The following HDAC4 variants were observed in gnomAD, a reference collection of about 807,000 sequenced individuals.
HDAC4 encodes histone deacetylase A.
In HDAC4, 16 loss-of-function variants were observed where a neutral mutation model predicts 135.1. That is an observed-to-expected ratio of 0.12 (90% CI 0.08 to 0.18). The LOEUF is 0.18. HDAC4 is among the 10% of genes least tolerant of loss of function. The pLI is 1.00. For missense variants in HDAC4, 1,143 were observed against 1,511.8 expected (o/e 0.76, Z 4.05); for synonymous variants, 685 against 653.4 (o/e 1.05, Z -0.74).
chr2:239,298,251 G>A (rs1575643324), intron 2 of HDAC4: 5 of 1,287,088 alleles, frequency 3.9e-6, no homozygotes, highest in Admixed American at 2.3e-5. Flanking sequence ...TCAAATCCAG[G>A]CTTGACGACA....
At chr2:239,162,947 C>G (rs75061417) in intron 6 of HDAC4, among the ~76,000 whole-genome samples, 8,933 of 152,126 alleles carry the variant, frequency 0.059, 836 homozygotes, top group African/African-American at 0.2. Flanking sequence ...TACAAAAACT[C>G]CCTTATGGGA....
chr2:239,347,146 T>G (rs1374331254), intron 2 of HDAC4, among the ~76,000 whole-genome samples: 3 of 127,396 alleles, frequency 2.4e-5, no homozygotes, highest in Non-Finnish European at 5.6e-5. Context: ...ATTCAACCAC[T>G]GCAGAGCATT....
chr2:239,222,138 G>A (rs1406941800), intron 3 of HDAC4, among the ~76,000 whole-genome samples: 2 of 152,118 alleles, frequency 1.3e-5, no homozygotes, highest in Non-Finnish European at 2.9e-5. Flanking sequence ...GCCTCCCTTC[G>A]CTTCCCTGGC....
At position 239,068,736 on chromosome 2, in the gene HDAC4, G is replaced by T; in HGVS notation, c.2751-129C>A. On this transcript the variant is annotated intron_variant, in intron 22 of 26. Transcript: ENST00000543185. The surrounding 1 kb of genome is among the most constrained non-coding windows in gnomAD (Gnocchi z 4.4). ...CCCCTCGGCCACTGGCGGGCTGAGG[G>T]CTCCACACAGCAGGCTGGAATCTGG... 1.3e-6 allele frequency: 1 copy of T among 794,786 alleles called. No individual in the cohort carries two copies. The highest frequency in any genetic ancestry group is 2.2e-6 in the Non-Finnish European group (1 of 448,292). 49.2% of individuals were successfully genotyped at this position (794,786 alleles called of 1,614,324 possible).
At chr2:239,162,299 G>GCA in intron 6 of HDAC4, 1 of 456,650 alleles carries the variant, frequency 2.2e-6, no homozygotes. Context: ...AGCAGGCTCT[G>GCA]CACTCCAGCT....
At chr2:239,081,568 C>T (rs1048077223) in intron 21 of HDAC4, among the ~76,000 whole-genome samples, 2 of 152,368 alleles carry the variant, frequency 1.3e-5, no homozygotes, top group Admixed American at 1.3e-4. Context: ...CCTGTCATTT[C>T]CTACTTCCTC....
chr2:239,126,181 G>A (rs1259998426), intron 12 of HDAC4, among the ~76,000 whole-genome samples: 1 of 152,188 alleles, frequency 6.6e-6, no homozygotes, highest in South Asian at 2.1e-4. Context: ...CTGGTCCAAC[G>A]GAACTCACAC....
Position 239,339,022 on chromosome 2 carries a change from T to C in HDAC4, c.22+13656A>G, listed in dbSNP as rs561283245. 3.9e-5 allele frequency among the ~76,000 whole-genome samples: 6 copies of C among 152,374 alleles called. No homozygotes were observed. In the South Asian group the frequency reaches 1.2e-3, roughly 32 times the overall value. On this transcript the variant is annotated intron_variant, in intron 2 of 26. Transcript: ENST00000543185. ...CATCTGTATTTAAGAAAACTATGTA[T>C]TTAGTTTACATAAAATCAGAAAATA...
intron 1 of HDAC4, among the ~76,000 whole-genome samples, chr2:239,359,641 C>G (rs1161056620): frequency 6.6e-6 from 1 of 152,246 alleles, no homozygotes; most frequent in Non-Finnish European, 1.5e-5. Context: ...CGGTCACATA[C>G]TCAGCCTTCG....
intron 3 of HDAC4, among the ~76,000 whole-genome samples, chr2:239,223,176 T>G (rs920153995): frequency 3.9e-5 from 6 of 152,252 alleles, no homozygotes; most frequent in African/African-American, 1.4e-4. Context: ...CTCCAAACGT[T>G]TGGTTATGTG....
At chr2:239,381,672 G>A (rs1291510305) in intron 1 of HDAC4, among the ~76,000 whole-genome samples, 1 of 152,174 alleles carries the variant, frequency 6.6e-6, no homozygotes, top group Non-Finnish European at 1.5e-5. Context: ...TTAATGACAA[G>A]AGAGCTTCTC....
At chr2:239,283,093 G>A (rs994089633) in intron 2 of HDAC4, among the ~76,000 whole-genome samples, 2 of 152,230 alleles carry the variant, frequency 1.3e-5, no homozygotes, top group East Asian at 1.9e-4. Flanking sequence ...GGATTCGCTC[G>A]CCCACAGTCA....
intron 5 of HDAC4, among the ~76,000 whole-genome samples, chr2:239,173,546 G>T (rs745518173): frequency 9.2e-5 from 14 of 152,098 alleles, no homozygotes; most frequent in Non-Finnish European, 1.8e-4. Context: ...GTAGACAAAT[G>T]AGTAAAAAAT....
At chr2:239,346,789 T>C (rs1443483251) in intron 2 of HDAC4, among the ~76,000 whole-genome samples, 1 of 126,638 alleles carries the variant, frequency 7.9e-6, no homozygotes, top group African/African-American at 3.2e-5. Flanking sequence ...ACATACACCG[T>C]CTCACACACA....
chr2:239,166,291 A>T (rs1475083427), intron 5 of HDAC4, among the ~76,000 whole-genome samples: 3 of 152,190 alleles, frequency 2.0e-5, no homozygotes, highest in Non-Finnish European at 4.4e-5. Flanking sequence ...CAAAGACATT[A>T]ACTACACGAC....
At position 239,167,144 on chromosome 2, in the gene HDAC4, G is replaced by A. The variant is rs2043165153; in HGVS notation, c.491-3221C>T. On this transcript the variant is annotated intron_variant, in intron 5 of 26. Coordinates refer to ENST00000543185, the MANE Select transcript of HDAC4 (RefSeq NM_001378414.1). The surrounding 1 kb of genome is among the most constrained non-coding windows in gnomAD (Gnocchi z 4.1). The stretch of plus-strand genomic sequence containing the variant: ...GGTTCTCGGTGTGCGGGACGAGGAC[G>A]CCCTCAACACTTTCCAGTAGACCCA... Among the ~76,000 whole-genome samples the A allele has an allele frequency of 1.3e-5, 2 of 151,936 alleles. No homozygotes were observed. The highest frequency in any genetic ancestry group is 2.4e-5 in the African/African-American group (1 of 41,364).
At position 239,195,853 on chromosome 2, in the gene HDAC4, T is replaced by A. The variant is rs540529828; in HGVS notation, c.95-5776A>T. ...TGGGAGACGGTCAGTGTGCTGTGAATGAATTCTCAATCACAAACAGAAAAA... is the reference window on the plus strand; with the variant it reads ...TGGGAGACGGTCAGTGTGCTGTGAAAGAATTCTCAATCACAAACAGAAAAA... On this transcript the variant is annotated intron_variant, in intron 3 of 26. Coordinates refer to ENST00000543185, the MANE Select transcript of HDAC4 (RefSeq NM_001378414.1). Among the ~76,000 whole-genome samples, 40 of 152,334 alleles carry A rather than the reference T, an allele frequency of 2.6e-4. No individual in the cohort carries two copies. The South Asian group carries it at 7.5e-3, about 28-fold the overall frequency.
intron 7 of HDAC4, among the ~76,000 whole-genome samples, chr2:239,153,708 A>T (rs1318769682): frequency 6.6e-6 from 1 of 152,238 alleles, no homozygotes; most frequent in Admixed American, 6.5e-5. Context: ...GTGAAAACAG[A>T]ATTCTCTCTT....
At chr2:239,191,023 G>A (rs770159726) in intron 3 of HDAC4, 12 of 463,146 alleles carry the variant, frequency 2.6e-5, no homozygotes, top group East Asian at 1.4e-4. Context: ...ACATCCCAGC[G>A]TCACTTCTCA....
Sources: allele counts gnomAD v4.1 joint callset (sites outside exome capture counted in the v4.1 genomes callset), GRCh38; gene constraint gnomAD v4.1.1; non-coding constraint Gnocchi (gnomAD v3.1); transcripts MANE v1.5; gene names NCBI Gene and HGNC (gene_info 2026-07-23, HGNC 2026-07-21).